The following PTPRD variants were observed in gnomAD, a reference collection of about 807,000 sequenced individuals.
PTPRD encodes protein tyrosine phosphatase receptor type D.
A neutral mutation model predicts 214.5 loss-of-function variants in PTPRD; 34 were observed. The ratio of observed to expected loss-of-function variants is 0.16; its 90% CI spans 0.12 to 0.21. The LOEUF (loss-of-function observed/expected upper bound fraction) is 0.21. Ranked by LOEUF, PTPRD falls within the 10% of genes least tolerant of loss-of-function variation. PTPRD has a pLI of 1.00. For synonymous variants in PTPRD, 1,128 were observed against 845.7 expected, an observed-to-expected ratio of 1.33 and a Z score of -5.79; for missense variants, 2,545 against 2,398.7, an observed-to-expected ratio of 1.06 and a Z score of -1.27.
intron 11 of PTPRD, among the ~76,000 whole-genome samples, chr9:8,816,626 A>C (rs1429343395): frequency 2.0e-5 from 3 of 152,210 alleles, no homozygotes; most frequent in Non-Finnish European, 4.4e-5. Context: ...CTCATATAGA[A>C]AGTATAACTC....
intron 37 of PTPRD, among the ~76,000 whole-genome samples, chr9:8,384,058 C>T (rs1437747780): frequency 1.3e-5 from 2 of 152,132 alleles, no homozygotes; most frequent in African/African-American, 4.8e-5. Context: ...CACTCACACA[C>T]TAAATAATAA....
At chr9:8,491,847 T>C (rs975582691) in intron 27 of PTPRD, among the ~76,000 whole-genome samples, 4 of 152,312 alleles carry the variant, frequency 2.6e-5, no homozygotes, top group East Asian at 1.9e-4. Context: ...CTTTACTTTA[T>C]GCCTTTACAT....
At chr9:10,310,865 C>T (rs1479919719) in intron 3 of PTPRD, among the ~76,000 whole-genome samples, 1 of 152,034 alleles carries the variant, frequency 6.6e-6, no homozygotes, top group African/African-American at 2.4e-5. Context: ...TATGTTGTTA[C>T]TCTGGGCAGA....
chr9:9,918,666 T>C (rs1225238804), intron 5 of PTPRD, among the ~76,000 whole-genome samples: 1 of 152,044 alleles, frequency 6.6e-6, no homozygotes, highest in African/African-American at 2.4e-5. Flanking sequence ...TACAAAGCTG[T>C]AGTAACTGTA....
chr9:8,677,366 G>A (rs563645206), intron 12 of PTPRD, among the ~76,000 whole-genome samples: 7 of 152,282 alleles, frequency 4.6e-5, no homozygotes, highest in Admixed American at 1.3e-4. Flanking sequence ...AATGTCCTTT[G>A]CAGTAACACA....
intron 2 of PTPRD, among the ~76,000 whole-genome samples, chr9:10,431,826 A>C (rs2098682142): frequency 6.6e-6 from 1 of 152,094 alleles, no homozygotes. Context: ...GAAGACTTTT[A>C]CACTGTTGGT....
At chr9:10,455,302 G>T (rs1018872445) in intron 2 of PTPRD, among the ~76,000 whole-genome samples, 1 of 151,478 alleles carries the variant, frequency 6.6e-6, no homozygotes, top group African/African-American at 2.4e-5. Context: ...AGTTACTAAG[G>T]TATTTATCCT....
chr9:8,999,142 G>C (rs934328138), intron 11 of PTPRD, among the ~76,000 whole-genome samples: 2 of 152,108 alleles, frequency 1.3e-5, no homozygotes, highest in African/African-American at 4.8e-5. Flanking sequence ...TGGTAAAGCA[G>C]TGGCAGGATT....
At chr9:10,482,166 T>C (rs943013882) in intron 2 of PTPRD, among the ~76,000 whole-genome samples, 6 of 151,946 alleles carry the variant, frequency 3.9e-5, no homozygotes, top group Middle Eastern at 3.4e-3. Flanking sequence ...GGTCAGGAGA[T>C]TGAGACCAGC....
intron 10 of PTPRD, among the ~76,000 whole-genome samples, chr9:9,161,665 T>A (rs957722524): frequency 7.2e-5 from 11 of 152,092 alleles, no homozygotes; most frequent in Non-Finnish European, 1.3e-4. Context: ...ATTCCTTGTT[T>A]CTCCTTATGT....
chr9:9,593,117 G>GAAGGAAAGGA (rs377722724), intron 7 of PTPRD, among the ~76,000 whole-genome samples: 1 of 144,476 alleles, frequency 6.9e-6, no homozygotes, highest in Non-Finnish European at 1.5e-5. Flanking sequence ...AGAAAGGAAG[G>GAAGGAAAGGA]AAGGAAAGGA....
chr9:8,758,611 CTTTACAG>C (rs2094184445), intron 11 of PTPRD, among the ~76,000 whole-genome samples: 2 of 152,076 alleles, frequency 1.3e-5, no homozygotes, highest in South Asian at 2.1e-4. Flanking sequence ...AGAACTCATA[CTTTACAG>C]TTTACAAAAT....
intron 12 of PTPRD, among the ~76,000 whole-genome samples, chr9:8,639,425 A>G (rs538053050): frequency 3.3e-5 from 5 of 149,528 alleles, no homozygotes; most frequent in Admixed American, 2.0e-4. Flanking sequence ...TTTCTTGTCC[A>G]TAGCCTAAAA....
intron 11 of PTPRD, among the ~76,000 whole-genome samples, chr9:8,740,092 A>AT (rs112033986): frequency 2.6e-5 from 4 of 152,070 alleles, no homozygotes; most frequent in Non-Finnish European, 2.9e-5. Flanking sequence ...AAAAGATTTC[A>AT]TTTTTTTTAA....
At chr9:9,871,499 C>T (rs1307730349) in intron 5 of PTPRD, among the ~76,000 whole-genome samples, 1 of 152,182 alleles carries the variant, frequency 6.6e-6, no homozygotes, top group African/African-American at 2.4e-5. Flanking sequence ...TTCAGGGGAG[C>T]CGCTGTATTT....
intron 4 of PTPRD, among the ~76,000 whole-genome samples, chr9:9,949,396 T>G (rs1319709982): frequency 6.6e-6 from 1 of 152,088 alleles, no homozygotes; most frequent in South Asian, 2.1e-4. Context: ...TTCTATGATG[T>G]TTTTTATTTT....
intron 12 of PTPRD, among the ~76,000 whole-genome samples, chr9:8,665,612 T>C (rs1269556678): frequency 6.6e-6 from 1 of 152,186 alleles, no homozygotes; most frequent in Admixed American, 6.5e-5. Flanking sequence ...GATGTTACTT[T>C]TCATAATACC....
chr9:9,172,728 A>AT (rs2099922225), intron 10 of PTPRD, among the ~76,000 whole-genome samples: 1 of 152,024 alleles, frequency 6.6e-6, no homozygotes, highest in African/African-American at 2.4e-5. Flanking sequence ...GTTGATTTGC[A>AT]CATCCAGGTA....
At chr9:8,436,014 G>C (rs573473033) in intron 35 of PTPRD, among the ~76,000 whole-genome samples, 13 of 152,136 alleles carry the variant, frequency 8.5e-5, no homozygotes, top group Non-Finnish European at 1.8e-4. Flanking sequence ...TTCTAGATGA[G>C]GATTCTTATC....
Sources: gnomAD v4.1 joint callset for allele counts (sites outside exome capture counted in the v4.1 genomes callset) on GRCh38, gnomAD v4.1.1 for gene constraint, MANE v1.5 for transcripts, NCBI Gene and HGNC (gene_info 2026-07-23, HGNC 2026-07-21) for gene names.